The following RERE variants were observed in gnomAD, a reference collection of about 807,000 sequenced individuals.
RERE encodes arginine-glutamic acid dipeptide repeats, also known as arginine-glutamic acid dipeptide repeats protein.
RERE carries 40 observed loss-of-function variants against 146.1 expected under a neutral mutation model. The ratio of observed to expected loss-of-function variants is 0.27; its 90% CI spans 0.21 to 0.36. The LOEUF (loss-of-function observed/expected upper bound fraction) is 0.36. RERE is among the 10% of genes least tolerant of loss of function. The pLI is 1.00. For synonymous variants in RERE, 1,003 were observed against 866.0 expected (o/e 1.16, Z -2.78); for missense variants, 1,933 against 2,138.7 (o/e 0.90, Z 1.90).
chr1:8,516,949 A>G (rs1416760879), intron 7 of RERE, among the ~76,000 whole-genome samples: 1 of 152,112 alleles, frequency 6.6e-6, no homozygotes, highest in African/African-American at 2.4e-5. Flanking sequence ...GATGGTGGGG[A>G]GAGGGAGGGA....
chr1:8,387,557 A>T lies in RERE; in HGVS notation c.1285-21583T>A, dbSNP rs79610662. Among the ~76,000 whole-genome samples, 1,343 of 152,354 alleles carry T rather than the reference A, an allele frequency of 8.8e-3. 18 individuals carry two copies. The highest frequency in any genetic ancestry group is 0.031 in the African/African-American group (1,281 of 41,582). ...CCACAAGCCAGAAGGTATTTGCAAC[A>T]CACATTATTTAAGATGAGTATCTAG... On this transcript the variant is annotated intron_variant, in intron 12 of 22. Transcript: ENST00000400908.
At chr1:8,388,200 T>C (rs1210125466) in intron 12 of RERE, among the ~76,000 whole-genome samples, 1 of 152,052 alleles carries the variant, frequency 6.6e-6, no homozygotes, top group African/African-American at 2.4e-5. Flanking sequence ...GCAATACACA[T>C]ATATGAGGCA....
At chr1:8,733,828 T>C (rs1007958376) in intron 1 of RERE, among the ~76,000 whole-genome samples, 1 of 152,216 alleles carries the variant, frequency 6.6e-6, no homozygotes, top group Non-Finnish European at 1.5e-5. Context: ...AATATGTATG[T>C]GGCTGGGCAC....
intron 6 of RERE, among the ~76,000 whole-genome samples, chr1:8,552,409 CTTTTTCT>C (rs1341551552): frequency 1.3e-5 from 2 of 152,166 alleles, no homozygotes; most frequent in Non-Finnish European, 2.9e-5. Flanking sequence ...CATGATCAGT[CTTTTTCT>C]TTTTTCTTTT....
intron 2 of RERE, among the ~76,000 whole-genome samples, chr1:8,631,876 A>G (rs1241748699): frequency 6.6e-6 from 1 of 152,244 alleles, no homozygotes; most frequent in Non-Finnish European, 1.5e-5. Flanking sequence ...CCATCTACCT[A>G]TTGAAGTAGT....
At chr1:8,515,391 CTCACCTGAGGCAGGCAGG>C (rs1295734638) in intron 7 of RERE, among the ~76,000 whole-genome samples, 1 of 149,502 alleles carries the variant, frequency 6.7e-6, no homozygotes, top group East Asian at 1.9e-4. Flanking sequence ...GGCGTGGTGG[CTCACCTGAGGCAGGCAGG>C]TCACCTGACG....
At chr1:8,501,621 G>A (rs1454395363) in intron 8 of RERE, among the ~76,000 whole-genome samples, 2 of 129,286 alleles carry the variant, frequency 1.5e-5, no homozygotes, top group East Asian at 2.6e-4. Flanking sequence ...GAGGTGGGGG[G>A]TCAGCCCCCC....
rs534886973 is a variant in RERE, at chr1:8,523,254, T to C, written c.831-14579A>G. Among the ~76,000 whole-genome samples the C allele has an allele frequency of 2.0e-5, 3 of 152,290 alleles. No homozygotes were observed. In the East Asian group the frequency reaches 5.8e-4, roughly 29 times the overall value. The stretch of plus-strand genomic sequence containing the variant: ...AAACACAATCAAGTTCATTCTAGCT[T>C]TCAACCAAAGACAGACTGCAAAACT... On this transcript the variant is annotated intron_variant, in intron 7 of 22. Transcript: ENST00000400908.
chr1:8,578,645 G>A (rs763148562), intron 4 of RERE, among the ~76,000 whole-genome samples: 3 of 152,044 alleles, frequency 2.0e-5, no homozygotes, highest in East Asian at 1.9e-4. Flanking sequence ...CAGCAGTAGA[G>A]CAGTGGAAGG....
chr1:8,482,785 C>T (rs772107971), intron 10 of RERE, among the ~76,000 whole-genome samples: 1 of 151,512 alleles, frequency 6.6e-6, no homozygotes, highest in Non-Finnish European at 1.5e-5. Context: ...AATTTCTTAG[C>T]CCAAAGGAAG....
intron 1 of RERE, among the ~76,000 whole-genome samples, chr1:8,698,539 C>T (rs1402632800): frequency 1.3e-5 from 2 of 152,114 alleles, no homozygotes; most frequent in African/African-American, 4.8e-5. Context: ...ATAAATGGAC[C>T]CTTTCTTAAA....
chr1:8,808,337 T>A (rs959458293), intron 1 of RERE, among the ~76,000 whole-genome samples: 1 of 152,162 alleles, frequency 6.6e-6, no homozygotes, highest in Non-Finnish European at 1.5e-5. Flanking sequence ...AAAGAGAATC[T>A]ATTCAAACCA....
chr1:8,788,886 C>T (rs1427487872), intron 1 of RERE, among the ~76,000 whole-genome samples: 5 of 151,034 alleles, frequency 3.3e-5, no homozygotes, highest in African/African-American at 1.2e-4. Flanking sequence ...TAAGAGATGG[C>T]TCGGGGGAGT....
chr1:8,377,951 T>C (rs1463594881), intron 12 of RERE, among the ~76,000 whole-genome samples: 1 of 152,218 alleles, frequency 6.6e-6, no homozygotes, highest in East Asian at 1.9e-4. Context: ...TGGAAGCATG[T>C]AATGACTGCC....
At chr1:8,409,694 A>C (rs2124454141) in intron 12 of RERE, among the ~76,000 whole-genome samples, 1 of 152,346 alleles carries the variant, frequency 6.6e-6, no homozygotes, top group Non-Finnish European at 1.5e-5. Context: ...ATGTCTGCTA[A>C]ATGGTTGCTA....
chr1:8,401,038 C>CATATATATATATAT lies in RERE; in HGVS notation c.1284+21675_1284+21688dup, dbSNP rs59752248. 4.8e-3 allele frequency among the ~76,000 whole-genome samples: 275 copies of CATATATATATATAT among 57,410 alleles called. 1 individual carries two copies. The highest frequency in any genetic ancestry group is 0.028 in the Middle Eastern group (1 of 36). The allele number at this position is 57,410 out of a possible 152,430, so 37.7% of individuals were successfully genotyped here. On this transcript the variant is annotated intron_variant, in intron 12 of 22. Transcript: ENST00000400908. ...GTCTCAAAAAAAAAAAAAAAAAAAC[C>CATATATATATATAT]ATATATATATATATATATATATATA...
intron 6 of RERE, among the ~76,000 whole-genome samples, chr1:8,553,718 G>GA (rs1645968629): frequency 6.6e-6 from 1 of 152,134 alleles, no homozygotes; most frequent in African/African-American, 2.4e-5. Flanking sequence ...GTGAAAAGAA[G>GA]ATAAAGTATT....
At chr1:8,566,681 T>C (rs188360796) in intron 4 of RERE, among the ~76,000 whole-genome samples, 4 of 152,242 alleles carry the variant, frequency 2.6e-5, no homozygotes, top group African/African-American at 4.8e-5. Context: ...CAGAATCCTG[T>C]TGGTGGTAAC....
intron 1 of RERE, among the ~76,000 whole-genome samples, chr1:8,740,160 C>T (rs1026786267): frequency 6.6e-6 from 1 of 152,170 alleles, no homozygotes; most frequent in East Asian, 1.9e-4. Flanking sequence ...TCACATGTTG[C>T]TTAACAATGG....
Sources: allele counts gnomAD v4.1 joint callset (sites outside exome capture counted in the v4.1 genomes callset), GRCh38; gene constraint gnomAD v4.1.1; transcripts MANE v1.5; gene names NCBI Gene and HGNC (gene_info 2026-07-23, HGNC 2026-07-21).